The following SEPTIN11 variants were observed in gnomAD, a reference collection of about 807,000 sequenced individuals.
SEPTIN11 encodes the protein septin-11.
In SEPTIN11, 25 loss-of-function variants were observed where a neutral mutation model predicts 51.4. The observed-to-expected ratio is 0.49, with a 90% confidence interval of 0.35 to 0.68. The LOEUF (loss-of-function observed/expected upper bound fraction) is 0.68, where lower values mean the gene tolerates loss of function less well. Ranked by LOEUF, SEPTIN11 falls within the 30% of genes least tolerant of loss-of-function variation. SEPTIN11 has a pLI of 0.00. For missense variants in SEPTIN11, 381 were observed against 520.8 expected (o/e 0.73, Z 2.61); for synonymous variants, 174 against 184.1 (o/e 0.95, Z 0.44).
At chr4:77,039,648 T>TA (rs34178169), downstream of SEPTIN11, 254,871 of 825,720 alleles carry the variant, frequency 0.31, 16,129 homozygotes, top group East Asian at 0.47. Flanking sequence ...TTGGGGTTTT[T>TA]AAAAAAAAAA....
chr4:76,973,837 C>T lies in SEPTIN11; in HGVS notation c.28-22588C>T, dbSNP rs1389865076. ...TTATGCACCTTAGACCAGTGCCTGG[C>T]ATATAAATAATACCTTCTGAATGTT... On this transcript the variant is annotated intron_variant, in intron 1 of 9. Coordinates refer to ENST00000264893, the MANE Select transcript of SEPTIN11 (RefSeq NM_018243.4). Among the ~76,000 whole-genome samples the T allele has an allele frequency of 3.3e-5, 5 of 152,260 alleles. No individual in the cohort carries two copies. The East Asian group carries it at 9.6e-4, about 29-fold the overall frequency.
At chr4:76,987,515 G>A (rs913341253) in intron 1 of SEPTIN11, among the ~76,000 whole-genome samples, 2 of 152,238 alleles carry the variant, frequency 1.3e-5, no homozygotes, top group African/African-American at 4.8e-5. Flanking sequence ...CTGTGGTTTG[G>A]GTCAAAACTT....
chr4:76,952,134 T>A (rs988460836), intron 1 of SEPTIN11, among the ~76,000 whole-genome samples: 2 of 152,238 alleles, frequency 1.3e-5, no homozygotes, highest in East Asian at 3.8e-4. Context: ...GTCTTAAGTG[T>A]GGTCTCTGCA....
At position 77,037,521 on chromosome 4, in the gene SEPTIN11, G is replaced by A. The variant is rs1029423238; in HGVS notation, c.*3009G>A. The A allele has an allele frequency of 7.4e-5, 73 of 985,174 alleles. No homozygotes were observed. Among genetic ancestry groups the A allele is most frequent in the Non-Finnish European group, 8.2e-5 (68 of 829,860 alleles). 61.0% of individuals were successfully genotyped at this position (985,174 alleles called of 1,614,324 possible). Reference sequence around the variant, plus strand: ...AACCAAGAGAAAAATTTTTATGCTAGGATGCCTTTATGACCACTTAATTTT... The same window carrying A: ...AACCAAGAGAAAAATTTTTATGCTAAGATGCCTTTATGACCACTTAATTTT... On this transcript the variant is annotated 3_prime_UTR_variant, in exon 10 of 10. Transcript: ENST00000264893.
At chr4:77,013,549 A>G (rs548752871) in intron 4 of SEPTIN11, among the ~76,000 whole-genome samples, 2 of 152,356 alleles carry the variant, frequency 1.3e-5, no homozygotes, top group South Asian at 4.1e-4. Flanking sequence ...GCCAATAAGA[A>G]CAATAGGAAG....
chr4:77,006,875 T>C (rs1192615399), intron 3 of SEPTIN11, among the ~76,000 whole-genome samples: 2 of 152,350 alleles, frequency 1.3e-5, no homozygotes, highest in Non-Finnish European at 2.9e-5. Flanking sequence ...GACAGATAAA[T>C]GTTTAATTCA....
At chr4:77,010,516 T>G (rs931486400) in intron 3 of SEPTIN11, among the ~76,000 whole-genome samples, 3 of 151,974 alleles carry the variant, frequency 2.0e-5, no homozygotes, top group African/African-American at 7.3e-5. Context: ...ACCAATATAT[T>G]GTGATAAAAT....
At position 76,949,841 on chromosome 4, in the gene SEPTIN11, C is replaced by T; in HGVS notation, c.-63C>T. The T allele has an allele frequency of 6.7e-7, 1 of 1,496,554 alleles. No homozygotes were observed. The highest frequency in any genetic ancestry group is 8.9e-7 in the Non-Finnish European group (1 of 1,123,534). The allele number at this position is 1,496,554 out of a possible 1,614,324, so 92.7% of individuals were successfully genotyped here. ...AGGGAGGCGAGCCGGAGCCCGAGCA[C>T]TAGCAGCAGCCGGAGTCGGCGTAAA... is the stretch of plus-strand genomic sequence containing the variant. On this transcript the variant is annotated 5_prime_UTR_variant, in exon 1 of 10. Transcript: ENST00000264893.
intron 1 of SEPTIN11, among the ~76,000 whole-genome samples, chr4:76,978,443 A>G (rs778481466): frequency 9.2e-5 from 14 of 152,162 alleles, no homozygotes; most frequent in Non-Finnish European, 2.1e-4. Context: ...CAACACACAC[A>G]TCACTCTCTG....
chr4:76,983,975 C>T (rs534617022), intron 1 of SEPTIN11, among the ~76,000 whole-genome samples: 12 of 152,208 alleles, frequency 7.9e-5, no homozygotes, highest in Admixed American at 5.2e-4. Flanking sequence ...CTATTGCACT[C>T]CAGCCTAGGC....
chr4:76,974,001 T>C (rs1722370834), intron 1 of SEPTIN11, among the ~76,000 whole-genome samples: 1 of 152,196 alleles, frequency 6.6e-6, no homozygotes. Flanking sequence ...CCTCTCCTCA[T>C]AAATCAAGGC....
At chr4:76,959,090 G>A in intron 1 of SEPTIN11, 1 of 661,272 alleles carries the variant, frequency 1.5e-6, no homozygotes, top group Non-Finnish European at 2.9e-6. Flanking sequence ...CCATGTGGCT[G>A]AGAAGTCAAC....
chr4:76,973,868 G>C (rs1370205538), intron 1 of SEPTIN11, among the ~76,000 whole-genome samples: 1 of 152,170 alleles, frequency 6.6e-6, no homozygotes, highest in Non-Finnish European at 1.5e-5. Flanking sequence ...ATGTTAGCTA[G>C]TTTTAGAGAT....
In SEPTIN11 at chr4:77,038,085, T is replaced by C. The variant is rs1727156829; in HGVS notation, c.*3573T>C. Reference sequence around the variant, plus strand: ...AAACTGTCCATTCCCACCCCTTTGCTTTGCCATTTGCAAGAGTCTGGAATT... The same window carrying C: ...AAACTGTCCATTCCCACCCCTTTGCCTTGCCATTTGCAAGAGTCTGGAATT... On this transcript the variant is annotated 3_prime_UTR_variant, in exon 10 of 10. Transcript: ENST00000264893. 1 of 985,800 alleles carries C rather than the reference T, an allele frequency of 1.0e-6. No individual in the cohort carries two copies. Among genetic ancestry groups the C allele is most frequent in the African/African-American group, 1.7e-5 (1 of 57,250 alleles). 61.1% of individuals were successfully genotyped at this position (985,800 alleles called of 1,614,324 possible).
At chr4:76,956,995 A>T (rs61294996) in intron 1 of SEPTIN11, among the ~76,000 whole-genome samples, 91,556 of 127,720 alleles carry the variant, frequency 0.72, 31,062 homozygotes, top group Admixed American at 0.77. Context: ...TGTGTGTGTG[A>T]GAGAGAGAGA....
In SEPTIN11 at chr4:77,028,752, A is replaced by G. The variant is rs746314916; in HGVS notation, c.1077A>G (p.Ala359=). ...VKEKEAELKE[A]EKELHEKFDL... is the part of the protein sequence containing the mutation. ...AGAAAGAAGCTGAACTTAAGGAGGCAGAGAAAGAGGTAAGCCATCTGTCCT... is the reference window on the plus strand; with the variant it reads ...AGAAAGAAGCTGAACTTAAGGAGGCGGAGAAAGAGGTAAGCCATCTGTCCT... The change falls in exon 8 of 10, where the codon GCA becomes GCG. Residue 359 remains alanine (A), a synonymous_variant. Coordinates refer to ENST00000264893, the MANE Select transcript of SEPTIN11 (RefSeq NM_018243.4). The G allele has an allele frequency of 6.2e-7, 1 of 1,612,286 alleles. No homozygotes were observed. The highest frequency in any genetic ancestry group is 8.5e-7 in the Non-Finnish European group (1 of 1,179,466).
At chr4:76,996,726 A>C (rs896072613) in intron 2 of SEPTIN11, among the ~76,000 whole-genome samples, 187 bp downstream of exon 2, 2 of 152,146 alleles carry the variant, frequency 1.3e-5, no homozygotes, top group South Asian at 4.1e-4. Flanking sequence ...TATTTAGGTA[A>C]ATGCGTTGTA....
rs376181401 is a variant in SEPTIN11 at position 77,018,428 on chromosome 4, A to G, written c.688-737A>G. ...CGCGCCACTGCACTCCAGCCTGGGC[A>G]ACAGAGCGAGACTCCATCTCAAAAA... On this transcript the variant is annotated intron_variant, in intron 5 of 9. Transcript: ENST00000264893. Among the ~76,000 whole-genome samples, 321 of 150,900 alleles carry G rather than the reference A, an allele frequency of 2.1e-3. 1 individual carries two copies. Among genetic ancestry groups the G allele is most frequent in the African/African-American group, 4.2e-3 (174 of 41,008 alleles).
chr4:76,994,693 TTTA>T lies in SEPTIN11; in HGVS notation c.28-1725_28-1723del, dbSNP rs1275216627. Among the ~76,000 whole-genome samples, 3 of 152,180 alleles carry T rather than the reference TTTA, an allele frequency of 2.0e-5. No homozygotes were observed. The East Asian group carries it at 5.8e-4, about 29-fold the overall frequency. On this transcript the variant is annotated intron_variant, in intron 1 of 9. Transcript: ENST00000264893. ...TAGAGCTGATATGGACTTTAGACAT[TTTA>T]TTATTAATAAAACCATTGAAGTCCT...
Sources: allele counts gnomAD v4.1 joint callset (sites outside exome capture counted in the v4.1 genomes callset), GRCh38; gene constraint gnomAD v4.1.1; transcripts MANE v1.5; gene names NCBI Gene and HGNC (gene_info 2026-07-23, HGNC 2026-07-21).